MCTP1: variants seen among roughly 807,000 people sequenced by gnomAD.
The protein encoded by MCTP1 is multiple C2 and transmembrane domain containing 1.
Under a neutral mutation model 120.6 loss-of-function variants are expected in MCTP1, and 69 were observed. The ratio of observed to expected loss-of-function variants is 0.57; its 90% confidence interval spans 0.47 to 0.70. The LOEUF (loss-of-function observed/expected upper bound fraction) is 0.70. MCTP1 is among the 30% of genes least tolerant of loss of function. The pLI is 0.00. For missense variants in MCTP1, 1,203 were observed against 1,248.8 expected, an observed-to-expected ratio of 0.96 and a Z score of 0.55; for synonymous variants, 529 against 493.1, an observed-to-expected ratio of 1.07 and a Z score of -0.96.
In MCTP1 at chr5:94,799,102, G is replaced by A. The variant is rs1468965756; in HGVS notation, c.2467C>T (p.Leu823Phe). The change falls in exon 18 of 23, where the codon CTC becomes TTC. Residue 823 changes from leucine (L) to phenylalanine (F), a missense_variant. By Grantham distance (22) the Leu-to-Phe change is conservative. Coordinates refer to ENST00000515393, the MANE Select transcript of MCTP1 (RefSeq NM_024717.7). ...LFLFVVWNFE[L>F]YMIPLVLLLL... ...AACAAAACCAGTGGTATCATGTAGA[G>A]CTCAAAGTTCCAGACAACAAAGAGA... 1.2e-6 allele frequency: 2 copies of A among 1,611,938 alleles called. No homozygotes were observed. The highest frequency in any genetic ancestry group is 1.7e-6 in the Non-Finnish European group (2 of 1,178,616).
chr5:95,046,417 T>C (rs920899884), intron 1 of MCTP1, among the ~76,000 whole-genome samples: 2 of 152,176 alleles, frequency 1.3e-5, no homozygotes, highest in African/African-American at 2.4e-5. Flanking sequence ...TAGAAATAAA[T>C]GTTTCTATTA....
At chr5:94,750,841 A>G (rs1768109173) in intron 19 of MCTP1, among the ~76,000 whole-genome samples, 1 of 152,214 alleles carries the variant, frequency 6.6e-6, no homozygotes, top group South Asian at 2.1e-4. Context: ...GAATATGGCA[A>G]AAGGGGATTA....
chr5:94,965,311 T>C (rs996500113), intron 2 of MCTP1, among the ~76,000 whole-genome samples: 1 of 152,150 alleles, frequency 6.6e-6, no homozygotes, highest in Non-Finnish European at 1.5e-5. Context: ...AAGTCAGATA[T>C]CCACTTCACT....
At chr5:94,940,564 A>ATATATATATATATACATATATATG (rs1817367282) in intron 4 of MCTP1, among the ~76,000 whole-genome samples, 1 of 43,900 alleles carries the variant, frequency 2.3e-5, no homozygotes, top group Non-Finnish European at 4.3e-5. Flanking sequence ...ACACACGCAA[A>ATATATATATATATACATATATATG]TATATATATA....
intron 19 of MCTP1, among the ~76,000 whole-genome samples, chr5:94,736,025 A>G (rs1764148393): frequency 6.6e-6 from 1 of 152,170 alleles, no homozygotes; most frequent in Non-Finnish European, 1.5e-5. Context: ...GCTAACCATT[A>G]TGTATGTCCA....
At chr5:95,056,576 G>T (rs1454386072) in intron 1 of MCTP1, among the ~76,000 whole-genome samples, 2 of 152,136 alleles carry the variant, frequency 1.3e-5, no homozygotes, top group Admixed American at 1.3e-4. Context: ...CCTTATCTTA[G>T]TATTTAGGCT....
intron 2 of MCTP1, among the ~76,000 whole-genome samples, chr5:95,010,442 A>G (rs1472226292): frequency 6.6e-6 from 1 of 152,172 alleles, no homozygotes; most frequent in East Asian, 1.9e-4. Flanking sequence ...ATATGTATAT[A>G]AATTCGCAAA....
intron 3 of MCTP1, among the ~76,000 whole-genome samples, chr5:94,952,007 A>T (rs1439618880): frequency 6.6e-6 from 1 of 151,954 alleles, no homozygotes; most frequent in Non-Finnish European, 1.5e-5. Flanking sequence ...TGCCATCTCT[A>T]CTAAAAATAC....
chr5:94,724,402 C>T (rs1272621692), intron 19 of MCTP1, among the ~76,000 whole-genome samples: 7 of 136,398 alleles, frequency 5.1e-5, no homozygotes, highest in South Asian at 2.5e-4. Flanking sequence ...TGCACCACCA[C>T]GTCTGGCTAA....
intron 17 of MCTP1, among the ~76,000 whole-genome samples, chr5:94,840,190 T>A (rs1790698985): frequency 6.6e-6 from 1 of 152,044 alleles, no homozygotes; most frequent in Non-Finnish European, 1.5e-5. Context: ...AAAAAAATCC[T>A]CCTTTCCCCC....
chr5:95,218,647 TAC>T (rs764112152), intron 1 of MCTP1, among the ~76,000 whole-genome samples: 12 of 152,216 alleles, frequency 7.9e-5, no homozygotes, highest in Non-Finnish European at 1.8e-4. Flanking sequence ...TAAAACTATA[TAC>T]AGTCATTTGT....
chr5:95,280,306 C>G (rs1760209661), intron 1 of MCTP1, among the ~76,000 whole-genome samples: 1 of 152,082 alleles, frequency 6.6e-6, no homozygotes, highest in Admixed American at 6.6e-5. Flanking sequence ...TTTCCTACTT[C>G]TTTTCAAAAA....
intron 10 of MCTP1, among the ~76,000 whole-genome samples, chr5:94,899,033 T>C (rs1328634377): frequency 6.6e-6 from 1 of 152,196 alleles, no homozygotes; most frequent in Admixed American, 6.5e-5. Context: ...ATTCCTCAGA[T>C]GTATTGCTAA....
At chr5:95,124,192 G>T (rs1216939737) in intron 1 of MCTP1, among the ~76,000 whole-genome samples, 2 of 152,286 alleles carry the variant, frequency 1.3e-5, no homozygotes, top group Non-Finnish European at 2.9e-5. Context: ...TCAGATAAAT[G>T]AAGGTTTAAG....
At chr5:94,919,801 A>G (rs934890334) in intron 7 of MCTP1, among the ~76,000 whole-genome samples, 3 of 152,198 alleles carry the variant, frequency 2.0e-5, no homozygotes, top group Non-Finnish European at 4.4e-5. Context: ...CACCTGGATG[A>G]TGAAGTCCAA....
Position 95,284,568 on chromosome 5 carries a change from G to A in MCTP1, c.8C>T (p.Pro3Leu). 7.0e-7 allele frequency: 1 copy of A among 1,433,802 alleles called. No individual in the cohort carries two copies. Among genetic ancestry groups the A allele is most frequent in the Non-Finnish European group, 9.0e-7 (1 of 1,107,150 alleles). 88.8% of individuals were successfully genotyped at this position (1,433,802 alleles called of 1,614,324 possible). A position where few individuals can be genotyped will look rare whatever the true frequency, so the allele number is the denominator to read the frequency against. The change falls in exon 1 of 23, where the codon CCC becomes CTC. Residue 3 changes from proline to leucine, a missense_variant. Transcript: ENST00000515393. This position sits in a 1 kb window ranked among gnomAD's most constrained non-coding sequence, Gnocchi z 5.2. ...TGGCTCGCCCGCCGCGGCAGCCCGG[G>A]GCTCCATCCTCCACCCCCTGCTCCT... Reference protein sequence around the residue: MEPRAAAAGEPEP... With the variant: MELRAAAAGEPEP...
chr5:95,234,400 G>A (rs1230339273), intron 1 of MCTP1, among the ~76,000 whole-genome samples: 1 of 152,114 alleles, frequency 6.6e-6, no homozygotes, highest in Non-Finnish European at 1.5e-5. Context: ...TTAAATTTCT[G>A]TCTTTCAGGA....
chr5:94,868,332 C>T lies in MCTP1; in HGVS notation c.2436+1G>A. ...ATGTAAGTAATACAGTATGATCATA[C>T]CACAAAAGCAGCGAGACTCCTTGGG... On this transcript the variant is annotated splice_donor_variant, in intron 17 of 22. Transcript: ENST00000515393. LOFTEE classifies it high-confidence loss of function. The T allele has an allele frequency of 6.3e-7, 1 of 1,595,406 alleles. No individual in the cohort carries two copies. The highest frequency in any genetic ancestry group is 8.5e-7 in the Non-Finnish European group (1 of 1,172,412).
Position 94,923,976 on chromosome 5 carries a change from A to ACTT in MCTP1, c.1255_1257dup (p.Lys419dup), listed in dbSNP as rs1227585908. On this transcript the variant is annotated inframe_insertion, in exon 7 of 23. Coordinates refer to ENST00000515393, the MANE Select transcript of MCTP1 (RefSeq NM_024717.7). ...TTAGACATTACCCTCCAAAAGAGAG[A>ACTT]CTTCACAGAGAAATAAGATCCAACC... 1 of 1,527,036 alleles carries ACTT rather than the reference A, an allele frequency of 6.5e-7. No homozygotes were observed. The highest frequency in any genetic ancestry group is 2.5e-5 in the East Asian group (1 of 39,380). The allele number at this position is 1,527,036 out of a possible 1,614,324, so 94.6% of individuals were successfully genotyped here. A position where few individuals can be genotyped will look rare whatever the true frequency, so the allele number is the denominator to read the frequency against.
Sources: gnomAD v4.1 joint callset for allele counts (sites outside exome capture counted in the v4.1 genomes callset) on GRCh38, gnomAD v4.1.1 for gene constraint, Gnocchi (gnomAD v3.1) non-coding constraint, MANE v1.5 for transcripts, NCBI Gene and HGNC (gene_info 2026-07-23, HGNC 2026-07-21) for gene names.